The following GABRA2 variants were observed in gnomAD, a reference collection of about 807,000 sequenced individuals.
The protein encoded by GABRA2 is gamma-aminobutyric acid receptor subunit alpha-2.
A neutral mutation model predicts 48.7 loss-of-function variants in GABRA2; 16 were observed. The ratio of observed to expected loss-of-function variants is 0.33; its 90% CI spans 0.22 to 0.50. GABRA2 has a LOEUF of 0.50. Among genes scored for constraint, GABRA2 ranks in the 20% least tolerant of loss-of-function variants. GABRA2 has a pLI of 0.98. For synonymous variants in GABRA2, 185 were observed against 184.5 expected (o/e 1.00, Z -0.02); for missense variants, 275 against 535.6 (o/e 0.51, Z 4.80).
chr4:46,363,995 G>T (rs1377413685), intron 3 of GABRA2: 2 of 152,030 alleles, frequency 1.3e-5, no homozygotes, highest in Non-Finnish European at 1.5e-5. Context: ...TTTCTCTTGC[G>T]GAAGACTCAG....
chr4:46,252,687 C>T (rs1490602901), intron 9 of GABRA2, among the ~76,000 whole-genome samples: 2 of 151,386 alleles, frequency 1.3e-5, no homozygotes, highest in African/African-American at 4.8e-5. Context: ...GTTTATATCT[C>T]TAGGTCAATC....
intron 3 of GABRA2, among the ~76,000 whole-genome samples, chr4:46,374,969 G>T (rs1715468722): frequency 6.6e-6 from 1 of 151,958 alleles, no homozygotes; most frequent in African/African-American, 2.4e-5. Flanking sequence ...TTTAAAAAAA[G>T]TTATATGAAA....
chr4:46,285,955 A>G (rs1287008655), intron 8 of GABRA2, among the ~76,000 whole-genome samples: 2 of 152,106 alleles, frequency 1.3e-5, no homozygotes, highest in East Asian at 1.9e-4. Flanking sequence ...AAATTATTTT[A>G]CAGAAGAGAG....
intron 8 of GABRA2, among the ~76,000 whole-genome samples, chr4:46,273,535 A>G (rs1719897406): frequency 4.0e-5 from 2 of 50,526 alleles, no homozygotes; most frequent in East Asian, 4.6e-4. Context: ...ATATATATAT[A>G]TGAGAGAGAG....
chr4:46,259,888 C>T (rs1716604412), intron 9 of GABRA2, among the ~76,000 whole-genome samples: 1 of 151,760 alleles, frequency 6.6e-6, no homozygotes, highest in Non-Finnish European at 1.5e-5. Context: ...GGCAGATAGG[C>T]TACTTTAGGG....
chr4:46,357,666 C>CTT (rs530230630), intron 3 of GABRA2, among the ~76,000 whole-genome samples: 11 of 133,078 alleles, frequency 8.3e-5, no homozygotes, highest in East Asian at 2.2e-4. Flanking sequence ...TATTTTCTTT[C>CTT]TTTTTTTTTT....
chr4:46,292,866 T>C (rs1723937842), intron 8 of GABRA2, among the ~76,000 whole-genome samples: 1 of 152,196 alleles, frequency 6.6e-6, no homozygotes, highest in Non-Finnish European at 1.5e-5. Context: ...ACCTCCATCT[T>C]TGAAGAGCCC....
intron 8 of GABRA2, among the ~76,000 whole-genome samples, chr4:46,295,356 T>C (rs192579666): frequency 6.6e-6 from 1 of 152,284 alleles, no homozygotes; most frequent in African/African-American, 2.4e-5. Context: ...ATTGGAAAAT[T>C]GGTGACAAAG....
intron 9 of GABRA2, among the ~76,000 whole-genome samples, chr4:46,253,157 CAT>C (rs1243812532): frequency 1.4e-4 from 17 of 124,456 alleles, no homozygotes; most frequent in Non-Finnish European, 3.4e-5. Flanking sequence ...GACAAAGAAA[CAT>C]AAAATGTAAA....
At chr4:46,387,323 C>G (rs1163534093) in intron 2 of GABRA2, among the ~76,000 whole-genome samples, 1 of 152,154 alleles carries the variant, frequency 6.6e-6, no homozygotes, top group Non-Finnish European at 1.5e-5. Context: ...ACATTCTGAT[C>G]AAGGTGCATT....
At chr4:46,388,456 C>A (rs1236321161) in intron 2 of GABRA2, among the ~76,000 whole-genome samples, 180 bp downstream of exon 2, 1 of 152,128 alleles carries the variant, frequency 6.6e-6, no homozygotes, top group Non-Finnish European at 1.5e-5. Flanking sequence ...GATCTTATCA[C>A]TAAGAACGAG....
rs193222775 is a variant in GABRA2 at position 46,249,957 on chromosome 4, C to G, written c.*351G>C. The G allele has an allele frequency of 2.2e-5, 4 of 184,546 alleles. No individual in the cohort carries two copies. The highest frequency in any genetic ancestry group is 3.4e-5 in the Non-Finnish European group (3 of 88,406). The allele number at this position is 184,546 out of a possible 1,614,324, so 11.4% of individuals were successfully genotyped here. A position where few individuals can be genotyped will look rare whatever the true frequency, so the allele number is the denominator to read the frequency against. ...AATTAAGCAACAGTAGAAAATACCC[C>G]TACTTAAGAGCTAAACCAAAAGGGT... On this transcript the variant is annotated 3_prime_UTR_variant, in exon 10 of 10. Coordinates refer to ENST00000381620, the MANE Select transcript of GABRA2 (RefSeq NM_000807.4).
At chr4:46,329,301 T>C (rs1421757578) in intron 4 of GABRA2, among the ~76,000 whole-genome samples, 2 of 152,138 alleles carry the variant, frequency 1.3e-5, no homozygotes, top group Non-Finnish European at 2.9e-5. Context: ...TAGAGGGTGC[T>C]GGAGGGACAC....
chr4:46,278,486 TA>T (rs1407933931), intron 8 of GABRA2, among the ~76,000 whole-genome samples: 1 of 152,242 alleles, frequency 6.6e-6, no homozygotes, highest in East Asian at 1.9e-4. Context: ...AGTAAGTGCT[TA>T]TAGGGCTATT....
At chr4:46,338,557 G>T (rs150112604) in intron 3 of GABRA2, among the ~76,000 whole-genome samples, 1,544 of 151,532 alleles carry the variant, frequency 0.01, 11 homozygotes, top group Non-Finnish European at 0.017. Flanking sequence ...ATAAATTCTG[G>T]GAATAAATTC....
intron 3 of GABRA2, chr4:46,365,606 C>A (rs1006770493): frequency 2.0e-4 from 31 of 152,152 alleles, no homozygotes; most frequent in African/African-American, 7.0e-4. Flanking sequence ...CAAATAATTT[C>A]ATTACTCTTT....
At chr4:46,283,657 T>C (rs954625874) in intron 8 of GABRA2, among the ~76,000 whole-genome samples, 12 of 152,336 alleles carry the variant, frequency 7.9e-5, no homozygotes, top group Admixed American at 6.5e-4. Flanking sequence ...TCTTCAAATG[T>C]ACCTTGAATT....
intron 3 of GABRA2, among the ~76,000 whole-genome samples, chr4:46,382,189 C>T (rs1486554936): frequency 6.9e-6 from 1 of 144,516 alleles, no homozygotes; most frequent in Non-Finnish European, 1.5e-5. Flanking sequence ...CACACACACA[C>T]ACACATATAT....
chr4:46,293,828 T>C (rs554782326), intron 8 of GABRA2, among the ~76,000 whole-genome samples: 1 of 152,280 alleles, frequency 6.6e-6, no homozygotes, highest in South Asian at 2.1e-4. Flanking sequence ...GTGGTGACTT[T>C]CACCACATCC....
Sources: allele counts gnomAD v4.1 joint callset (sites outside exome capture counted in the v4.1 genomes callset), GRCh38; gene constraint gnomAD v4.1.1; transcripts MANE v1.5; gene names NCBI Gene and HGNC (gene_info 2026-07-23, HGNC 2026-07-21).